The following MAP3K5 variants were observed in gnomAD, a reference collection of about 807,000 sequenced individuals.
MAP3K5 encodes the protein ASK-1.
In MAP3K5, 56 loss-of-function variants were observed where a neutral mutation model predicts 158.7. The ratio of observed to expected loss-of-function variants is 0.35; its 90% CI spans 0.28 to 0.44. The LOEUF (loss-of-function observed/expected upper bound fraction) is 0.44. Ranked by LOEUF, MAP3K5 falls within the 20% of genes least tolerant of loss-of-function variation. The probability of loss-of-function intolerance (pLI) is 1.00; values close to 1 mark genes in which losing one functional copy is unlikely to be tolerated. For missense variants in MAP3K5, 1,294 were observed against 1,674.8 expected, an observed-to-expected ratio of 0.77 and a Z score of 3.97; for synonymous variants, 579 against 601.7, an observed-to-expected ratio of 0.96 and a Z score of 0.55.
At chr6:136,752,043 CA>C (rs534088268) in intron 1 of MAP3K5, among the ~76,000 whole-genome samples, 1 of 151,978 alleles carries the variant, frequency 6.6e-6, no homozygotes, top group East Asian at 1.9e-4. Context: ...CTTCAGAGTT[CA>C]AAAAAAATTT....
intron 6 of MAP3K5, 128 bp downstream of exon 6, chr6:136,695,823 C>T (rs1231156720): frequency 2.0e-6 from 1 of 508,368 alleles, no homozygotes; most frequent in African/African-American, 1.9e-5. Flanking sequence ...GGGGCTGAAG[C>T]AGATATGCTA....
At chr6:136,752,726 G>T (rs1427636006) in intron 1 of MAP3K5, among the ~76,000 whole-genome samples, 1 of 152,118 alleles carries the variant, frequency 6.6e-6, no homozygotes, top group Non-Finnish European at 1.5e-5. Context: ...GCTGGGTTCT[G>T]AGTGTGACTT....
At chr6:136,730,241 C>T (rs1386959069) in intron 1 of MAP3K5, among the ~76,000 whole-genome samples, 1 of 151,482 alleles carries the variant, frequency 6.6e-6, no homozygotes, top group East Asian at 1.9e-4. Context: ...TCAAGTGAGC[C>T]ACCCGCCTAG....
At position 136,707,873 on chromosome 6, in the gene MAP3K5, C is replaced by T. The variant is rs549234268; in HGVS notation, c.589-2740G>A. 1.9e-4 allele frequency among the ~76,000 whole-genome samples: 29 copies of T among 152,310 alleles called. 1 individual carries two copies. The Middle Eastern group carries it at 0.01, about 54-fold the overall frequency. On this transcript the variant is annotated intron_variant, in intron 2 of 29. Transcript: ENST00000359015. Reference sequence around the variant, plus strand: ...TCCATACACTGGAATACATTACACCCAAACAAACAATGAAGAACCAAACAA... The same window carrying T: ...TCCATACACTGGAATACATTACACCTAAACAAACAATGAAGAACCAAACAA...
intron 2 of MAP3K5, among the ~76,000 whole-genome samples, chr6:136,707,473 C>G (rs1781126239): frequency 6.6e-6 from 1 of 151,318 alleles, no homozygotes. Context: ...AAAGGCCCAT[C>G]TGAGGAACAA....
chr6:136,659,457 T>G, intron 8 of MAP3K5, 79 bp from the exon 9 acceptor site: 1 of 1,293,004 alleles, frequency 7.7e-7, no homozygotes, highest in South Asian at 1.3e-5. Flanking sequence ...AAAGTAAAAT[T>G]AAGCTTTCAT....
At chr6:136,757,587 T>TA (rs1554314422) in intron 1 of MAP3K5, among the ~76,000 whole-genome samples, 4 of 108,158 alleles carry the variant, frequency 3.7e-5, no homozygotes, top group South Asian at 5.7e-4. Flanking sequence ...TTATTTTTTA[T>TA]TTTTTTTTTT....
At chr6:136,778,118 CTTAA>C (rs745892771) in intron 1 of MAP3K5, among the ~76,000 whole-genome samples, 59 of 152,026 alleles carry the variant, frequency 3.9e-4, no homozygotes, top group Non-Finnish European at 7.4e-4. Context: ...ACAAGTTCTT[CTTAA>C]TTAAAGAATC....
At chr6:136,641,760 G>A (rs565734906) in intron 12 of MAP3K5, among the ~76,000 whole-genome samples, 6 of 151,432 alleles carry the variant, frequency 4.0e-5, no homozygotes, top group South Asian at 4.2e-4. Context: ...AGCCCTACAC[G>A]GGCGGATCAC....
intron 7 of MAP3K5, among the ~76,000 whole-genome samples, chr6:136,684,542 T>A (rs1780063913): frequency 1.3e-5 from 2 of 152,152 alleles, no homozygotes; most frequent in Non-Finnish European, 2.9e-5. Context: ...TCCCTAACAC[T>A]TCCTTGGATC....
chr6:136,700,534 A>T (rs1780807319), intron 3 of MAP3K5, among the ~76,000 whole-genome samples: 2 of 152,164 alleles, frequency 1.3e-5, no homozygotes, highest in African/African-American at 4.8e-5. Flanking sequence ...TCTTCAAGAC[A>T]CTCATATATC....
intron 2 of MAP3K5, among the ~76,000 whole-genome samples, chr6:136,718,796 C>T (rs766150970): frequency 1.2e-4 from 18 of 152,240 alleles, no homozygotes; most frequent in Middle Eastern, 6.8e-3. Context: ...CAAAATTAAA[C>T]CACCAGATAC....
intron 1 of MAP3K5, among the ~76,000 whole-genome samples, chr6:136,772,723 A>T (rs1047840126): frequency 8.5e-5 from 13 of 152,198 alleles, no homozygotes; most frequent in African/African-American, 3.1e-4. Context: ...TGAGCAAAAT[A>T]AATCTCATTT....
chr6:136,598,168 G>A (rs2129084027), intron 21 of MAP3K5, among the ~76,000 whole-genome samples: 1 of 152,324 alleles, frequency 6.6e-6, no homozygotes, highest in East Asian at 1.9e-4. Context: ...CAGTGCTGCT[G>A]AGCCAGCAAG....
chr6:136,707,840 C>G (rs992496077), intron 2 of MAP3K5, among the ~76,000 whole-genome samples: 1 of 152,168 alleles, frequency 6.6e-6, no homozygotes, highest in Non-Finnish European at 1.5e-5. Flanking sequence ...TGAATAAACA[C>G]TAGTACCTCC....
chr6:136,607,844 G>T (rs1776165707), intron 18 of MAP3K5, among the ~76,000 whole-genome samples: 1 of 152,178 alleles, frequency 6.6e-6, no homozygotes, highest in African/African-American at 2.4e-5. Context: ...TTATGTTTTT[G>T]CAGTAGAAGC....
chr6:136,619,919 G>A (rs1242916442), intron 15 of MAP3K5, among the ~76,000 whole-genome samples: 1 of 152,200 alleles, frequency 6.6e-6, no homozygotes, highest in Non-Finnish European at 1.5e-5. Context: ...GGATACATGG[G>A]GAGACAGTAA....
intron 24 of MAP3K5, among the ~76,000 whole-genome samples, chr6:136,581,498 T>A (rs568754701): frequency 6.6e-6 from 1 of 152,220 alleles, no homozygotes; most frequent in Non-Finnish European, 1.5e-5. Context: ...TGAGTATCTA[T>A]AGTATGATTA....
At chr6:136,659,023 C>G (rs1778889872) in intron 9 of MAP3K5, among the ~76,000 whole-genome samples, 196 bp downstream of exon 9, 1 of 152,222 alleles carries the variant, frequency 6.6e-6, no homozygotes, top group Non-Finnish European at 1.5e-5. Context: ...AGTCAGGAAC[C>G]TGCTGACATC....
Sources: gnomAD v4.1 joint callset for allele counts (sites outside exome capture counted in the v4.1 genomes callset) on GRCh38, gnomAD v4.1.1 for gene constraint, MANE v1.5 for transcripts, NCBI Gene and HGNC (gene_info 2026-07-23, HGNC 2026-07-21) for gene names.